LPAR1: variants seen among roughly 807,000 people sequenced by gnomAD.
LPAR1 encodes LPA receptor 1.
LPAR1 carries 5 observed loss-of-function variants against 23.8 expected under a neutral mutation model. The ratio of observed to expected loss-of-function variants is 0.21; its 90% CI spans 0.11 to 0.44. The LOEUF (loss-of-function observed/expected upper bound fraction) is 0.44, where lower values mean the gene tolerates loss of function less well. LPAR1 is among the 20% of genes least tolerant of loss of function. The pLI is 0.99. For missense variants in LPAR1, 311 were observed against 482.8 expected (o/e 0.64, Z 3.33); for synonymous variants, 160 against 164.7 (o/e 0.97, Z 0.22).
intron 5 of LPAR1, among the ~76,000 whole-genome samples, chr9:110,929,734 G>GTGTT (rs1463165631): frequency 1.4e-5 from 2 of 147,666 alleles, no homozygotes; most frequent in African/African-American, 5.2e-5. Context: ...GTGTGTGTGT[G>GTGTT]TGTGTGTGTT....
chr9:110,909,354 C>T (rs2092010530), intron 5 of LPAR1, among the ~76,000 whole-genome samples: 1 of 151,664 alleles, frequency 6.6e-6, no homozygotes, highest in Non-Finnish European at 1.5e-5. Flanking sequence ...ACAGGAGCAG[C>T]TCATTTCACT....
At chr9:111,032,428 C>A (rs1027798390) in intron 2 of LPAR1, among the ~76,000 whole-genome samples, 2 of 152,116 alleles carry the variant, frequency 1.3e-5, no homozygotes, top group Non-Finnish European at 2.9e-5. Flanking sequence ...ATCTGTTAAT[C>A]GTGTGTAAGC....
chr9:110,967,983 C>T (rs759985425), intron 4 of LPAR1, among the ~76,000 whole-genome samples: 1 of 152,192 alleles, frequency 6.6e-6, no homozygotes, highest in Non-Finnish European at 1.5e-5. Flanking sequence ...CCATCAGAGG[C>T]TGCCACTATT....
At chr9:111,028,528 G>A (rs948251010) in intron 2 of LPAR1, among the ~76,000 whole-genome samples, 13 of 151,008 alleles carry the variant, frequency 8.6e-5, no homozygotes, top group African/African-American at 2.4e-4. Context: ...AGAAAACTAA[G>A]AATAAACTTG....
chr9:110,885,266 T>C (rs2082059044), intron 5 of LPAR1, among the ~76,000 whole-genome samples: 1 of 152,190 alleles, frequency 6.6e-6, no homozygotes, highest in Non-Finnish European at 1.5e-5. Flanking sequence ...TGGGGGGTCA[T>C]CATGCTTCAA....
chr9:110,941,373 T>C lies in LPAR1; in HGVS notation c.793+48A>G. The C allele has an allele frequency of 6.6e-7, 1 of 1,514,546 alleles. No individual in the cohort carries two copies. Among genetic ancestry groups the C allele is most frequent in the Non-Finnish European group, 8.9e-7 (1 of 1,123,190 alleles). The allele number at this position is 1,514,546 out of a possible 1,614,324, so 93.8% of individuals were successfully genotyped here. On this transcript the variant is annotated intron_variant, in intron 5 of 5. Coordinates refer to ENST00000683809, the MANE Select transcript of LPAR1 (RefSeq NM_001351411.2). This position sits in a 1 kb window ranked among gnomAD's most constrained non-coding sequence, Gnocchi z 6.1. ...TGACATAAAATAATGTGGTTTATGTTAGTCACTGAGAATCTATAAAGTAAG... is the reference window on the plus strand; with the variant it reads ...TGACATAAAATAATGTGGTTTATGTCAGTCACTGAGAATCTATAAAGTAAG...
rs561303541 is a variant in LPAR1 at position 110,970,645 on chromosome 9, A to G, written c.45+1428T>C. Among the ~76,000 whole-genome samples, 38 of 152,256 alleles carry G rather than the reference A, an allele frequency of 2.5e-4. No homozygotes were observed. The South Asian group carries it at 7.9e-3, about 32-fold the overall frequency. On this transcript the variant is annotated intron_variant, in intron 4 of 5. Transcript: ENST00000683809. ...GAGAAAACACTATACTATATGAGGG[A>G]AAAATGCCCCTTGTTCTCCTTTTTC...
intron 4 of LPAR1, among the ~76,000 whole-genome samples, chr9:110,948,489 T>C (rs983556198): frequency 4.6e-5 from 7 of 152,148 alleles, no homozygotes; most frequent in Non-Finnish European, 1.0e-4. Context: ...GATATACACA[T>C]ATGCAAAAAG....
At chr9:110,935,503 T>G (rs781557980) in intron 5 of LPAR1, among the ~76,000 whole-genome samples, 8 of 150,740 alleles carry the variant, frequency 5.3e-5, no homozygotes, top group Non-Finnish European at 1.2e-4. Flanking sequence ...TAGAAAAAAA[T>G]ATTGGCTGGG....
chr9:110,899,410 T>C (rs1375847034), intron 5 of LPAR1, among the ~76,000 whole-genome samples: 1 of 152,218 alleles, frequency 6.6e-6, no homozygotes, highest in Non-Finnish European at 1.5e-5. Context: ...TGCAATGCAA[T>C]GTAGTCAGTG....
At position 110,875,627 on chromosome 9, in the gene LPAR1, G is replaced by C; in HGVS notation, c.889C>G (p.Leu297Val). The change falls in exon 6 of 6, where the codon CTT becomes GTT. Residue 297 changes from leucine to valine, a missense_variant. This residue lies in a region of LPAR1 where 250 missense variants were observed against 427.2 expected (regional missense o/e 0.59). Coordinates refer to ENST00000683809, the MANE Select transcript of LPAR1 (RefSeq NM_001351411.2). ...GCAGAGTTGAATTCAGCAAGGAGAA[G>C]GAAGAATTTCTCATAGGCCAGCACG... ...CDVLAYEKFFLLLAEFNSAMN... is the reference protein window; with the variant it reads ...CDVLAYEKFFVLLAEFNSAMN... 4 of 1,613,972 alleles carry C rather than the reference G, an allele frequency of 2.5e-6. No homozygotes were observed. The highest frequency in any genetic ancestry group is 2.5e-6 in the Non-Finnish European group (3 of 1,179,904).
At chr9:110,968,781 C>T (rs2096306546) in intron 4 of LPAR1, among the ~76,000 whole-genome samples, 1 of 152,178 alleles carries the variant, frequency 6.6e-6, no homozygotes, top group Non-Finnish European at 1.5e-5. Flanking sequence ...GCAATAATAA[C>T]AATGCTTGCT....
chr9:110,910,109 A>C (rs1289126196), intron 5 of LPAR1, among the ~76,000 whole-genome samples: 1 of 152,152 alleles, frequency 6.6e-6, no homozygotes. Context: ...GTGCAGAGAG[A>C]AAATTCCACC....
intron 5 of LPAR1, among the ~76,000 whole-genome samples, chr9:110,896,090 CAG>C (rs2086247478): frequency 6.6e-6 from 1 of 152,142 alleles, no homozygotes; most frequent in Admixed American, 6.5e-5. Flanking sequence ...TGCTCGCTTC[CAG>C]TTTAGATCAG....
intron 4 of LPAR1, among the ~76,000 whole-genome samples, chr9:110,964,152 T>C (rs549561222): frequency 6.6e-6 from 1 of 152,386 alleles, no homozygotes; most frequent in East Asian, 1.9e-4. Context: ...ATTCTTCAGT[T>C]GTGAAATATT....
intron 5 of LPAR1, among the ~76,000 whole-genome samples, chr9:110,910,102 CA>C (rs574813617): frequency 3.5e-4 from 54 of 152,186 alleles, no homozygotes; most frequent in African/African-American, 1.2e-3. Context: ...CCAATAAGTG[CA>C]GAGAGAAAAT....
At chr9:110,937,414 C>CTCCTGACCTTGAATCCCCGT (rs1487036866) in intron 5 of LPAR1, among the ~76,000 whole-genome samples, 3 of 152,206 alleles carry the variant, frequency 2.0e-5, no homozygotes, top group African/African-American at 4.8e-5. Flanking sequence ...TGAATCCCAG[C>CTCCTGACCTTGAATCCCCGT]TCCTGACCTT....
chr9:111,008,588 C>T (rs1272056746), intron 2 of LPAR1, among the ~76,000 whole-genome samples: 1 of 152,022 alleles, frequency 6.6e-6, no homozygotes, highest in Non-Finnish European at 1.5e-5. Context: ...GACATCCTAC[C>T]CTTAACAGCT....
intron 5 of LPAR1, among the ~76,000 whole-genome samples, chr9:110,887,599 A>C (rs938805231): frequency 1.3e-5 from 2 of 152,146 alleles, no homozygotes; most frequent in African/African-American, 4.8e-5. Context: ...AAATCCTTAA[A>C]GTAAGGTTAT....
Sources: gnomAD v4.1 joint callset for allele counts (sites outside exome capture counted in the v4.1 genomes callset) on GRCh38, gnomAD v4.1.1 for gene constraint, gnomAD v4.1.1 regional missense constraint, Gnocchi (gnomAD v3.1) non-coding constraint, MANE v1.5 for transcripts, NCBI Gene and HGNC (gene_info 2026-07-23, HGNC 2026-07-21) for gene names.